The following CD109 variants were observed in gnomAD, a reference collection of about 807,000 sequenced individuals.
CD109 encodes the protein CD109 molecule.
CD109 carries 149 observed loss-of-function variants against 165.8 expected under a neutral mutation model. The ratio of observed to expected loss-of-function variants is 0.90; its 90% confidence interval spans 0.79 to 1.03. The LOEUF is 1.03. Among genes scored for constraint, CD109 ranks in the 50% least tolerant of loss-of-function variants. The pLI is 0.00. For missense variants in CD109, 1,712 were observed against 1,677.8 expected, an observed-to-expected ratio of 1.02 and a Z score of -0.36; for synonymous variants, 585 against 592.1, an observed-to-expected ratio of 0.99 and a Z score of 0.18.
At chr6:73,740,928 G>T (rs1772755675) in intron 5 of CD109, among the ~76,000 whole-genome samples, 1 of 151,982 alleles carries the variant, frequency 6.6e-6, no homozygotes, top group Admixed American at 6.6e-5. Context: ...TTAGTTAAGT[G>T]ATTTGCCCAA....
chr6:73,722,445 A>G (rs1199621665), intron 2 of CD109, among the ~76,000 whole-genome samples: 1 of 152,156 alleles, frequency 6.6e-6, no homozygotes, highest in Non-Finnish European at 1.5e-5. Context: ...CTGATTCCAG[A>G]TGCTGCTAGC....
At position 73,768,042 on chromosome 6, in the gene CD109, C is replaced by T. The variant is rs746450495; in HGVS notation, c.1498-13C>T. 5 of 1,608,200 alleles carry T rather than the reference C, an allele frequency of 3.1e-6. No homozygotes were observed. The highest frequency in any genetic ancestry group is 1.1e-5 in the South Asian group (1 of 90,190). ...TTTGGCAATAAATTAAACCCATCTA[C>T]TGTTCTTTTCAGGTAGTATCCAGGG... On this transcript the variant is annotated splice_polypyrimidine_tract_variant and intron_variant, in intron 13 of 32. Transcript: ENST00000287097.
intron 15 of CD109, among the ~76,000 whole-genome samples, chr6:73,773,888 C>A (rs1396102170): frequency 6.6e-6 from 1 of 151,790 alleles, no homozygotes; most frequent in African/African-American, 2.4e-5. Flanking sequence ...GGCACTTTTA[C>A]TTCCTCCTTC....
At position 73,782,519 on chromosome 6, in the gene CD109, C is replaced by T; in HGVS notation, c.1964-95C>T. ...CTCACTGGCACATTATGTCTCTGGA[C>T]ACCTCAAGTGATTGACATTCATTTT... is the stretch of plus-strand genomic sequence containing the variant. On this transcript the variant is annotated intron_variant, in intron 17 of 32. Coordinates refer to ENST00000287097, the MANE Select transcript of CD109 (RefSeq NM_133493.5). The T allele has an allele frequency of 2.5e-6, 3 of 1,198,720 alleles. No homozygotes were observed. The South Asian group carries it at 4.2e-5, about 17-fold the overall frequency. The allele number at this position is 1,198,720 out of a possible 1,614,324, so 74.3% of individuals were successfully genotyped here.
intron 5 of CD109, among the ~76,000 whole-genome samples, chr6:73,752,075 G>A (rs1176523028): frequency 6.6e-6 from 1 of 152,192 alleles, no homozygotes; most frequent in Non-Finnish European, 1.5e-5. Flanking sequence ...TCCAGACACT[G>A]GAGAGTAGTG....
At chr6:73,745,522 G>T (rs1017299921) in intron 5 of CD109, among the ~76,000 whole-genome samples, 8 of 152,106 alleles carry the variant, frequency 5.3e-5, no homozygotes, top group African/African-American at 1.9e-4. Context: ...TGGATGCCAC[G>T]GGATCACCTT....
At chr6:73,709,577 T>C (rs1371241104) in intron 2 of CD109, among the ~76,000 whole-genome samples, 4 of 152,170 alleles carry the variant, frequency 2.6e-5, no homozygotes, top group African/African-American at 9.7e-5. Flanking sequence ...ATTGAATCTA[T>C]AAATTACCTT....
chr6:73,780,370 G>A (rs1195600670), intron 15 of CD109, 54 bp from the exon 16 acceptor site: 14 of 1,021,444 alleles, frequency 1.4e-5, no homozygotes, highest in Middle Eastern at 2.0e-4. Context: ...CTTGGAAGAA[G>A]TGTGGAAAGT....
chr6:73,694,702 T>C (rs1770761744), upstream of CD109: 1 of 151,930 alleles, frequency 6.6e-6, no homozygotes, highest in Non-Finnish European at 1.5e-5. Flanking sequence ...CAAGTCAGAG[T>C]CTGTTTTCAT....
chr6:73,810,106 G>A lies in CD109; in HGVS notation c.3478G>A (p.Glu1160Lys), dbSNP rs1775701178. 3.1e-6 allele frequency: 5 copies of A among 1,609,302 alleles called. No individual in the cohort carries two copies. The highest frequency in any genetic ancestry group is 4.2e-6 in the Non-Finnish European group (5 of 1,178,594). The part of the protein sequence containing the change: ...LSHFLQFQTS[E>K]GIPIMRWLSR... ...ACACTTCTTACAATTTCAGACTTCTGAGGGAATCCCAATTATGAGGTGGCT... is the reference window on the plus strand; with the variant it reads ...ACACTTCTTACAATTTCAGACTTCTAAGGGAATCCCAATTATGAGGTGGCT... Residue 1160 changes from glutamate (E) to lysine (K), a missense_variant, in exon 27 of 33, where the codon GAG becomes AAG. By Grantham distance (56) the Glu-to-Lys change is moderately conservative. Coordinates refer to ENST00000287097, the MANE Select transcript of CD109 (RefSeq NM_133493.5).
chr6:73,794,297 A>G (rs1403057682), intron 23 of CD109, among the ~76,000 whole-genome samples: 1 of 152,162 alleles, frequency 6.6e-6, no homozygotes, highest in Non-Finnish European at 1.5e-5. Flanking sequence ...TCAGAACACT[A>G]TGGGATAATT....
intron 2 of CD109, 86 bp from the exon 3 acceptor site, chr6:73,723,165 A>G: frequency 1.3e-6 from 2 of 1,597,046 alleles, no homozygotes; most frequent in East Asian, 2.2e-5. Context: ...CACATGTAAG[A>G]GTATTGGGAG....
At chr6:73,813,398 A>T (rs1003798373) in intron 29 of CD109, among the ~76,000 whole-genome samples, 9 of 152,198 alleles carry the variant, frequency 5.9e-5, no homozygotes, top group African/African-American at 1.7e-4. Flanking sequence ...ATGTAGAGAA[A>T]TTAGTGAAAC....
At chr6:73,708,172 C>G (rs755856232) in intron 2 of CD109, among the ~76,000 whole-genome samples, 1 of 151,846 alleles carries the variant, frequency 6.6e-6, no homozygotes, top group Non-Finnish European at 1.5e-5. Flanking sequence ...CGACAGGCCC[C>G]GGTGTGTGAT....
At chr6:73,704,058 G>A (rs1011484762) in intron 2 of CD109, among the ~76,000 whole-genome samples, 1 of 151,822 alleles carries the variant, frequency 6.6e-6, no homozygotes, top group African/African-American at 2.4e-5. Flanking sequence ...GGTGGTGGGC[G>A]CCTATAGTCC....
intron 9 of CD109, among the ~76,000 whole-genome samples, chr6:73,763,353 T>C (rs1773707791): frequency 6.6e-6 from 1 of 152,228 alleles, no homozygotes; most frequent in Non-Finnish European, 1.5e-5. Context: ...CTGTTGTACA[T>C]GTCACTGCGG....
chr6:73,814,995 T>C lies in CD109; in HGVS notation c.3783T>C (p.Tyr1261=). 1.3e-6 allele frequency: 2 copies of C among 1,555,344 alleles called. No individual in the cohort carries two copies. Among genetic ancestry groups the C allele is most frequent in the Non-Finnish European group, 1.7e-6 (2 of 1,161,856 alleles). Residue 1261 remains tyrosine, a synonymous_variant, in exon 30 of 33, where the codon TAT becomes TAC. Coordinates refer to ENST00000287097, the MANE Select transcript of CD109 (RefSeq NM_133493.5). Reference sequence around the variant, plus strand: ...ATTTTTTACAGCTCAATGTTGTATATAATGTGAAGGCTTCTGGGTCTTCTA... The same window carrying C: ...ATTTTTTACAGCTCAATGTTGTATACAATGTGAAGGCTTCTGGGTCTTCTA... ...GFAICQLNVV[Y]NVKASGSSRR...
At chr6:73,748,180 C>T (rs117718424) in intron 5 of CD109, among the ~76,000 whole-genome samples, 1,811 of 152,286 alleles carry the variant, frequency 0.012, 25 homozygotes, top group Non-Finnish European at 0.017. Context: ...CCTCCTTTGT[C>T]CAAGCCACTA....
At chr6:73,699,004 T>A (rs1770958288) in intron 2 of CD109, among the ~76,000 whole-genome samples, 1 of 152,222 alleles carries the variant, frequency 6.6e-6, no homozygotes, top group African/African-American at 2.4e-5. Context: ...GCTAATATTA[T>A]TAGTGTAATA....
Sources: gnomAD v4.1 joint callset for allele counts (sites outside exome capture counted in the v4.1 genomes callset) on GRCh38, gnomAD v4.1.1 for gene constraint, MANE v1.5 for transcripts, NCBI Gene and HGNC (gene_info 2026-07-23, HGNC 2026-07-21) for gene names.